The following PDE1A variants were observed in gnomAD, a reference collection of about 807,000 sequenced individuals.
PDE1A encodes phosphodiesterase 1A, also known as dual specificity calcium/calmodulin-dependent 3',5'-cyclic nucleotide phosphodiesterase 1A.
Under a neutral mutation model 61.7 loss-of-function variants are expected in PDE1A, and 35 were observed. That is an observed-to-expected ratio of 0.57 (90% CI 0.43 to 0.75). The LOEUF is 0.75. PDE1A is among the 30% of genes least tolerant of loss of function. The pLI is 0.00. For synonymous variants in PDE1A, 232 were observed against 213.2 expected (o/e 1.09, Z -0.77); for missense variants, 597 against 630.6 (o/e 0.95, Z 0.57).
intron 7 of PDE1A, among the ~76,000 whole-genome samples, chr2:182,211,518 A>G (rs1687599755): frequency 6.6e-6 from 1 of 152,172 alleles, no homozygotes; most frequent in Non-Finnish European, 1.5e-5. Context: ...GCCTCTCCAT[A>G]CAAACTTTAG....
Position 182,470,453 on chromosome 2 carries a change from T to C in PDE1A, c.101+51823A>G, listed in dbSNP as rs998342328. 5.9e-5 allele frequency among the ~76,000 whole-genome samples: 9 copies of C among 151,886 alleles called. No homozygotes were observed. The Admixed American group carries it at 5.9e-4, about 10-fold the overall frequency. ...AGCAGCTATTCTCTAGCAAAAGCTA[T>C]TATAGAAATAGCTATTTAACAGTAA... On this transcript the variant is annotated intron_variant, in intron 2 of 14. Transcript: ENST00000410103.
intron 3 of PDE1A, 33 bp from the exon 4 acceptor site, chr2:182,234,531 A>G (rs1689853925): frequency 7.4e-7 from 1 of 1,349,814 alleles, no homozygotes; most frequent in Middle Eastern, 1.9e-4. Flanking sequence ...TAAATATAAA[A>G]TTCATTTATT....
intron 2 of PDE1A, among the ~76,000 whole-genome samples, chr2:182,452,204 AG>A (rs1559476561): frequency 6.6e-6 from 1 of 152,140 alleles, no homozygotes. Context: ...TGTGGTGCTG[AG>A]GTAACATTGT....
Position 182,362,687 on chromosome 2 carries a change from A to G in PDE1A, c.53+63891T>C, listed in dbSNP as rs149812235. 6.6e-3 allele frequency among the ~76,000 whole-genome samples: 1,008 copies of G among 152,146 alleles called. 6 individuals carry two copies. Among genetic ancestry groups the G allele is most frequent in the Admixed American group, 0.012 (181 of 15,254 alleles). ...GTGATTCCTCAGAGACCTAAGAAATACCATTCAACCCAGCAATCCCATTAC... is the reference window on the plus strand; with the variant it reads ...GTGATTCCTCAGAGACCTAAGAAATGCCATTCAACCCAGCAATCCCATTAC... On this transcript the variant is annotated intron_variant, in intron 1 of 13. Coordinates refer to ENST00000351439, the Ensembl canonical transcript of PDE1A.
At chr2:182,204,703 C>T (rs1315971456) in intron 8 of PDE1A, among the ~76,000 whole-genome samples, 1 of 152,134 alleles carries the variant, frequency 6.6e-6, no homozygotes, top group Non-Finnish European at 1.5e-5. Flanking sequence ...ATTGGTAAGG[C>T]TTCCTATCCA....
chr2:182,408,609 T>C (rs979025940), intron 1 of PDE1A, among the ~76,000 whole-genome samples: 3 of 152,176 alleles, frequency 2.0e-5, no homozygotes, highest in Non-Finnish European at 4.4e-5. Context: ...ACGTTAATTT[T>C]TTCCCTAAAA....
intron 2 of PDE1A, among the ~76,000 whole-genome samples, chr2:182,513,558 C>A: frequency 6.6e-6 from 1 of 152,160 alleles, no homozygotes. Flanking sequence ...ATACAACAAC[C>A]AGCTAACAAC....
chr2:182,666,608 CAA>C, the PDE1A span, among the ~76,000 whole-genome samples: 365 of 139,926 alleles, frequency 2.6e-3, 1 homozygote, highest in East Asian at 0.012. Flanking sequence ...AACTCTGTCT[CAA>C]AAAAAAAAAA....
At chr2:182,694,727 C>A in the PDE1A span, among the ~76,000 whole-genome samples, 1 of 149,492 alleles carries the variant, frequency 6.7e-6, no homozygotes, top group Admixed American at 6.8e-5. Context: ...AGAAGAGCAA[C>A]TGATGGAAGC....
At chr2:182,309,867 T>C (rs1382954360) in intron 1 of PDE1A, among the ~76,000 whole-genome samples, 1 of 152,082 alleles carries the variant, frequency 6.6e-6, no homozygotes, top group African/African-American at 2.4e-5. Context: ...AAAGTTGCCT[T>C]GGAACTCAAT....
the PDE1A span, among the ~76,000 whole-genome samples, chr2:182,561,062 T>G: frequency 1.4e-5 from 2 of 142,842 alleles, no homozygotes; most frequent in African/African-American, 5.0e-5. Flanking sequence ...TTAGTTTAAT[T>G]AGATCCCATT....
At chr2:182,606,535 A>G in the PDE1A span, among the ~76,000 whole-genome samples, 1 of 152,196 alleles carries the variant, frequency 6.6e-6, no homozygotes, top group Non-Finnish European at 1.5e-5. Context: ...TCATTCAACT[A>G]TTTAACAAGT....
intron 1 of PDE1A, among the ~76,000 whole-genome samples, chr2:182,265,859 A>C (rs911725516): frequency 1.1e-4 from 16 of 152,188 alleles, no homozygotes; most frequent in Admixed American, 3.9e-4. Flanking sequence ...ATTTAATTCC[A>C]TTCTATTCAG....
intron 2 of PDE1A, among the ~76,000 whole-genome samples, chr2:182,468,691 T>C (rs1686828382): frequency 6.6e-6 from 1 of 151,978 alleles, no homozygotes; most frequent in African/African-American, 2.4e-5. Context: ...TTTACTTTGC[T>C]CAGATCCATC....
chr2:182,645,288 T>A, the PDE1A span, among the ~76,000 whole-genome samples: 39 of 137,052 alleles, frequency 2.8e-4, no homozygotes, highest in African/African-American at 9.9e-4. Context: ...CTCTTCTGTA[T>A]TTTTGTGGCT....
Position 182,354,122 on chromosome 2 carries a change from A to G in PDE1A, c.53+72456T>C, listed in dbSNP as rs1699044364. 4.6e-5 allele frequency among the ~76,000 whole-genome samples: 7 copies of G among 152,170 alleles called. No homozygotes were observed. In the South Asian group the frequency reaches 1.4e-3, roughly 31 times the overall value. The stretch of plus-strand genomic sequence containing the variant: ...GGAGTAGAACCCCCTGCCAATCTTC[A>G]ACTGATAATTGACACCCAGTTTAAG... On this transcript the variant is annotated intron_variant, in intron 1 of 13. Coordinates refer to ENST00000351439, the Ensembl canonical transcript of PDE1A.
intron 1 of PDE1A, among the ~76,000 whole-genome samples, chr2:182,305,108 A>G (rs533874358): frequency 8.3e-4 from 127 of 152,254 alleles, no homozygotes; most frequent in African/African-American, 2.9e-3. Flanking sequence ...CACTTGCCTA[A>G]TAACACATTA....
chr2:182,284,052 C>T (rs767314892), intron 1 of PDE1A, among the ~76,000 whole-genome samples: 11 of 152,008 alleles, frequency 7.2e-5, no homozygotes, highest in Admixed American at 6.6e-4. Context: ...AGCTTTCAAG[C>T]GGCTAGTGAC....
the PDE1A span, among the ~76,000 whole-genome samples, chr2:182,543,346 C>T: frequency 2.6e-5 from 4 of 152,056 alleles, no homozygotes; most frequent in African/African-American, 9.7e-5. Flanking sequence ...AAGACAAAAC[C>T]CTAATGTACC....
Sources: allele counts gnomAD v4.1 joint callset (sites outside exome capture counted in the v4.1 genomes callset), GRCh38; gene constraint gnomAD v4.1.1; transcripts MANE v1.5; gene names NCBI Gene and HGNC (gene_info 2026-07-23, HGNC 2026-07-21).